Variants in EDEM1 observed in about 807,000 individuals in gnomAD.
EDEM1 encodes ER degradation enhancing alpha-mannosidase like protein 1.
EDEM1 carries 67 observed loss-of-function variants against 74.4 expected under a neutral mutation model. That is an observed-to-expected ratio of 0.90 (90% CI 0.74 to 1.10). The LOEUF is 1.10. Among genes scored for constraint, EDEM1 ranks in the 50% least tolerant of loss-of-function variants. EDEM1 has a pLI of 0.00. For synonymous variants in EDEM1, 382 were observed against 335.9 expected (o/e 1.14, Z -1.50); for missense variants, 926 against 851.6 (o/e 1.09, Z -1.09).
intron 3 of EDEM1, among the ~76,000 whole-genome samples, chr3:5,201,154 A>G (rs933570815): frequency 6.6e-6 from 1 of 151,534 alleles, no homozygotes; most frequent in Non-Finnish European, 1.5e-5. Context: ...AACAGTTAGT[A>G]CACTCTTATT....
At chr3:5,189,096 A>G (rs1458090493) in intron 1 of EDEM1, among the ~76,000 whole-genome samples, 2 of 152,204 alleles carry the variant, frequency 1.3e-5, no homozygotes, top group Admixed American at 6.5e-5. Context: ...CTGAGCTCCA[A>G]GGGTCACCAC....
rs1213985367 is a variant in EDEM1 at position 5,215,697 on chromosome 3, C to T, written c.1885-132C>T. On this transcript the variant is annotated intron_variant, in intron 11 of 11. Transcript: ENST00000256497. Reference sequence around the variant, plus strand: ...TGCTGACCGTCCTGCAGTGTACAGGCAGCTTCCACAACAGTTACTTCCAAA... The same window carrying T: ...TGCTGACCGTCCTGCAGTGTACAGGTAGCTTCCACAACAGTTACTTCCAAA... 3.7e-6 allele frequency: 3 copies of T among 819,054 alleles called. No individual in the cohort carries two copies. In the Admixed American group the frequency reaches 6.4e-5, roughly 17 times the overall value. The allele number at this position is 819,054 out of a possible 1,614,324, so 50.7% of individuals were successfully genotyped here. A position where few individuals can be genotyped will look rare whatever the true frequency, so the allele number is the denominator to read the frequency against.
intron 8 of EDEM1, among the ~76,000 whole-genome samples, chr3:5,209,742 C>G (rs2055145280): frequency 1.3e-5 from 2 of 152,166 alleles, no homozygotes; most frequent in African/African-American, 4.8e-5. Context: ...AGTCTTGTTC[C>G]CATCAGCCTT....
chr3:5,215,723 C>A, intron 11 of EDEM1, 106 bp from the exon 12 acceptor site: 1 of 1,039,156 alleles, frequency 9.6e-7, no homozygotes, highest in Non-Finnish European at 1.5e-6. Flanking sequence ...TACTTCCAAA[C>A]GTCAGTAGTT....
chr3:5,189,224 A>T (rs2054870498), intron 1 of EDEM1, among the ~76,000 whole-genome samples: 1 of 152,162 alleles, frequency 6.6e-6, no homozygotes, highest in African/African-American at 2.4e-5. Flanking sequence ...CCTCCCCTGG[A>T]TGGGAGTGGA....
Position 5,217,762 on chromosome 3 carries a change from T to C in EDEM1, c.*1844T>C, listed in dbSNP as rs987230953. On this transcript the variant is annotated 3_prime_UTR_variant, in exon 12 of 12. Transcript: ENST00000256497. Reference sequence around the variant, plus strand: ...TTGAGAATAATATATATATATATTTTAAATGTTTTCACTGACTCATTGAAA... The same window carrying C: ...TTGAGAATAATATATATATATATTTCAAATGTTTTCACTGACTCATTGAAA... The C allele has an allele frequency of 3.9e-5, 6 of 152,202 alleles. No individual in the cohort carries two copies. The highest frequency in any genetic ancestry group is 8.8e-5 in the Non-Finnish European group (6 of 68,038). The allele number at this position is 152,202 out of a possible 1,614,324, so 9.4% of individuals were successfully genotyped here. A position where few individuals can be genotyped will look rare whatever the true frequency, so the allele number is the denominator to read the frequency against.
chr3:5,200,590 C>T (rs559278127), intron 3 of EDEM1, among the ~76,000 whole-genome samples: 1 of 152,274 alleles, frequency 6.6e-6, no homozygotes, highest in East Asian at 1.9e-4. Flanking sequence ...GTATCAACTG[C>T]ATAACATTCC....
intron 7 of EDEM1, among the ~76,000 whole-genome samples, chr3:5,207,687 T>C (rs2055115348): frequency 6.6e-6 from 1 of 152,122 alleles, no homozygotes; most frequent in Admixed American, 6.6e-5. Flanking sequence ...TTTGTACTTT[T>C]AGTAGAGACG....
At chr3:5,208,615 G>A (rs937328808) in intron 8 of EDEM1, among the ~76,000 whole-genome samples, 2 of 152,112 alleles carry the variant, frequency 1.3e-5, no homozygotes, top group Non-Finnish European at 2.9e-5. Context: ...ATGCAATTCT[G>A]CATCAGTGTA....
At position 5,213,312 on chromosome 3, in the gene EDEM1, C is replaced by T. The variant is rs762348400; in HGVS notation, c.1681-7C>T. The T allele has an allele frequency of 2.5e-6, 4 of 1,610,930 alleles. No individual in the cohort carries two copies. Among genetic ancestry groups the T allele is most frequent in the East Asian group, 2.2e-5 (1 of 44,818 alleles). ...ATTGGTTGTATCTTTTTCTCCGTTCCCTCTAGCTGTTTGATGAAGACAATC... is the reference window on the plus strand; with the variant it reads ...ATTGGTTGTATCTTTTTCTCCGTTCTCTCTAGCTGTTTGATGAAGACAATC... On this transcript the variant is annotated splice_region_variant and splice_polypyrimidine_tract_variant and intron_variant, in intron 10 of 11. Coordinates refer to ENST00000256497, the MANE Select transcript of EDEM1 (RefSeq NM_014674.3).
At chr3:5,211,359 C>A in intron 10 of EDEM1, 143 bp downstream of exon 10, 1 of 748,740 alleles carries the variant, frequency 1.3e-6, no homozygotes, top group Non-Finnish European at 2.2e-6. Flanking sequence ...GCTGTCAGAA[C>A]CAAAGGATAT....
rs138479294 is a variant in EDEM1, at chr3:5,191,680, C to G, written c.509+3366C>G. On this transcript the variant is annotated intron_variant, in intron 1 of 11. Transcript: ENST00000256497. ...CCGTTTCTCTGTAGTCATATATGCTCCAAACTTATCTTGCCTCAAGTACAT... is the reference window on the plus strand; with the variant it reads ...CCGTTTCTCTGTAGTCATATATGCTGCAAACTTATCTTGCCTCAAGTACAT... Among the ~76,000 whole-genome samples, 208 of 152,236 alleles carry G rather than the reference C, an allele frequency of 1.4e-3. 1 individual carries two copies. Among genetic ancestry groups the G allele is most frequent in the African/African-American group, 4.9e-3 (203 of 41,518 alleles).
intron 9 of EDEM1, 138 bp from the exon 10 acceptor site, chr3:5,210,982 G>T: frequency 3.9e-6 from 3 of 763,218 alleles, no homozygotes; most frequent in Admixed American, 2.8e-5. Context: ...AAAAAGGAGA[G>T]CCCCTCAATG....
chr3:5,204,971 C>G (rs1248756594), intron 5 of EDEM1, 96 bp from the exon 6 acceptor site: 9 of 1,356,440 alleles, frequency 6.6e-6, no homozygotes, highest in Non-Finnish European at 9.2e-6. Flanking sequence ...GATAAAGGTG[C>G]TGAGGAGCAG....
intron 8 of EDEM1, among the ~76,000 whole-genome samples, chr3:5,208,759 G>A (rs113616629): frequency 0.027 from 4,061 of 148,118 alleles, 175 homozygotes; most frequent in African/African-American, 0.097. Context: ...GTGTGTGTGT[G>A]TATATATATA....
chr3:5,206,317 C>T (rs915859491), intron 6 of EDEM1, among the ~76,000 whole-genome samples: 15 of 151,900 alleles, frequency 9.9e-5, no homozygotes, highest in African/African-American at 2.7e-4. Context: ...AAGCGATTCT[C>T]CTGCCTCAGC....
intron 1 of EDEM1, among the ~76,000 whole-genome samples, chr3:5,194,727 A>C (rs2054942003): frequency 6.6e-6 from 1 of 152,266 alleles, no homozygotes; most frequent in Admixed American, 6.5e-5. Flanking sequence ...ACCATAGGGC[A>C]GATGAGTAAT....
chr3:5,215,645 G>A (rs1001264683), intron 11 of EDEM1, among the ~76,000 whole-genome samples, 184 bp from the exon 12 acceptor site: 1 of 152,182 alleles, frequency 6.6e-6, no homozygotes, highest in African/African-American at 2.4e-5. Context: ...GTTGCCACTG[G>A]CACCTAGTGG....
chr3:5,210,980 G>A, intron 9 of EDEM1, 140 bp from the exon 10 acceptor site: 2 of 756,134 alleles, frequency 2.6e-6, no homozygotes, highest in Non-Finnish European at 4.3e-6. Context: ...TAAAAAAGGA[G>A]AGCCCCTCAA....
Sources: gnomAD v4.1 joint callset for allele counts (sites outside exome capture counted in the v4.1 genomes callset) on GRCh38, gnomAD v4.1.1 for gene constraint, MANE v1.5 for transcripts, NCBI Gene and HGNC (gene_info 2026-07-23, HGNC 2026-07-21) for gene names.